The following SYNJ2 variants were observed in gnomAD, a reference collection of about 807,000 sequenced individuals.
The protein encoded by SYNJ2 is polyphosphatidylinositol phosphatase SYNJ2.
Under a neutral mutation model 141.3 loss-of-function variants are expected in SYNJ2, and 116 were observed. That is an observed-to-expected ratio of 0.82 (90% CI 0.71 to 0.96). SYNJ2 has a LOEUF of 0.96. SYNJ2 is among the 40% of genes least tolerant of loss of function. The pLI is 0.00. For missense variants in SYNJ2, 1,873 were observed against 1,934.8 expected (o/e 0.97, Z 0.60); for synonymous variants, 745 against 777.7 (o/e 0.96, Z 0.70).
rs568222551 is a variant in SYNJ2, at chr6:158,088,034, A to ATT, written c.3344-583_3344-582dup. On this transcript the variant is annotated intron_variant, in intron 23 of 26. Coordinates refer to ENST00000355585, the MANE Select transcript of SYNJ2 (RefSeq NM_003898.4). ...TAACAGTTTATTCCCCTGCTTTGGAATTTTTTTTTTTTTTTTTTTTTTTTT... is the reference window on the plus strand; with the variant it reads ...TAACAGTTTATTCCCCTGCTTTGGAATTTTTTTTTTTTTTTTTTTTTTTTTTT... Among the ~76,000 whole-genome samples the ATT allele has an allele frequency of 1.5e-3, 47 of 31,888 alleles. 4 individuals carry two copies. Among genetic ancestry groups the ATT allele is most frequent in the South Asian group, 7.4e-3 (5 of 674 alleles). 20.9% of individuals were successfully genotyped at this position (31,888 alleles called of 152,430 possible).
At chr6:158,019,665 C>T (rs906077936) in intron 2 of SYNJ2, among the ~76,000 whole-genome samples, 2 of 152,228 alleles carry the variant, frequency 1.3e-5, no homozygotes, top group African/African-American at 4.8e-5. Flanking sequence ...GTGGACCATG[C>T]GAGACCAGCC....
rs1296672473 is a variant in SYNJ2 at position 158,066,441 on chromosome 6, CAG to C, written c.1526-2_1526-1del. 6.2e-7 allele frequency: 1 copy of C among 1,614,162 alleles called. No individual in the cohort carries two copies. Among genetic ancestry groups the C allele is most frequent in the South Asian group, 1.1e-5 (1 of 91,090 alleles). On this transcript the variant is annotated splice_acceptor_variant, in intron 11 of 26. Transcript: ENST00000355585. LOFTEE classifies it high-confidence loss of function. ...AAATGTGCCTTTTTATGCCTCCTGA[CAG>C]TGACTCCCAGGATCCTGAAAGCTAT...
intron 1 of SYNJ2, among the ~76,000 whole-genome samples, chr6:157,999,432 T>C (rs1010473963): frequency 1.3e-5 from 2 of 152,182 alleles, no homozygotes; most frequent in Non-Finnish European, 2.9e-5. Flanking sequence ...TCCCATGGGA[T>C]GTTTGGTTGT....
At chr6:158,010,568 C>T (rs553252150) in intron 1 of SYNJ2, among the ~76,000 whole-genome samples, 2 of 152,204 alleles carry the variant, frequency 1.3e-5, no homozygotes, top group Non-Finnish European at 2.9e-5. Context: ...AGGACGGGCC[C>T]ACCAAGTGAA....
intron 2 of SYNJ2, among the ~76,000 whole-genome samples, chr6:158,021,914 T>C (rs1778794777): frequency 1.3e-5 from 2 of 152,096 alleles, no homozygotes; most frequent in Admixed American, 6.5e-5. Flanking sequence ...GTTTCCAAGG[T>C]GTAAATTCAC....
At chr6:158,072,432 G>A (rs979741873) in intron 15 of SYNJ2, among the ~76,000 whole-genome samples, 5 of 152,274 alleles carry the variant, frequency 3.3e-5, no homozygotes, top group Non-Finnish European at 5.9e-5. Context: ...GATGCTACCC[G>A]GGCACAGCTT....
chr6:158,035,040 G>A (rs998783679), intron 4 of SYNJ2, among the ~76,000 whole-genome samples: 1 of 152,156 alleles, frequency 6.6e-6, no homozygotes, highest in African/African-American at 2.4e-5. Flanking sequence ...ATTGGTCTAC[G>A]TATCTGTTTT....
intron 7 of SYNJ2, among the ~76,000 whole-genome samples, 154 bp from the exon 8 acceptor site, chr6:158,061,838 G>T (rs371583576): frequency 1.3e-5 from 2 of 152,170 alleles, no homozygotes; most frequent in Non-Finnish European, 2.9e-5. Flanking sequence ...TCCCTTTTGG[G>T]GTCAACTGCC....
chr6:158,028,618 C>A (rs1272711345), intron 2 of SYNJ2, 138 bp from the exon 3 acceptor site: 3 of 1,145,642 alleles, frequency 2.6e-6, no homozygotes, highest in African/African-American at 3.1e-5. Context: ...TTGAGTTGGG[C>A]AATGCCATGG....
chr6:158,086,361 GC>G (rs1783036499), intron 22 of SYNJ2, among the ~76,000 whole-genome samples: 1 of 152,168 alleles, frequency 6.6e-6, no homozygotes, highest in African/African-American at 2.4e-5. Flanking sequence ...CCAGCCATGG[GC>G]CCACAGGGTT....
chr6:157,988,953 C>T (rs2128314130), intron 1 of SYNJ2, among the ~76,000 whole-genome samples: 1 of 152,242 alleles, frequency 6.6e-6, no homozygotes, highest in East Asian at 1.9e-4. Flanking sequence ...GGTACTGCTT[C>T]TTTTCGAGAT....
chr6:158,011,798 G>A (rs527998019), intron 1 of SYNJ2, among the ~76,000 whole-genome samples: 1 of 152,284 alleles, frequency 6.6e-6, no homozygotes, highest in South Asian at 2.1e-4. Flanking sequence ...ATAGTTGAAT[G>A]AATGCACAAA....
In SYNJ2 at chr6:158,055,503, ATGTG is replaced by A. The variant is rs61172281; in HGVS notation, c.857+505_857+508del. ...TTCTAGAAAACAATTTTGGCATTTT[ATGTG>A]TGTGTGTGTGTGTGTGTGTGTGTGT... On this transcript the variant is annotated intron_variant, in intron 6 of 26. Coordinates refer to ENST00000355585, the MANE Select transcript of SYNJ2 (RefSeq NM_003898.4). 2.9e-3 allele frequency among the ~76,000 whole-genome samples: 424 copies of A among 147,854 alleles called. 1 individual carries two copies. The highest frequency in any genetic ancestry group is 8.1e-3 in the East Asian group (41 of 5,046).
At chr6:158,089,376 C>G (rs1182314102) in intron 24 of SYNJ2, among the ~76,000 whole-genome samples, 2 of 151,980 alleles carry the variant, frequency 1.3e-5, no homozygotes, top group Non-Finnish European at 2.9e-5. Context: ...TGGTTAAGTG[C>G]TTGTGCGGCC....
At chr6:158,073,316 G>C (rs1279801415) in intron 15 of SYNJ2, among the ~76,000 whole-genome samples, 1 of 138,000 alleles carries the variant, frequency 7.2e-6, no homozygotes, top group Non-Finnish European at 1.6e-5. Context: ...TCCTGGCTCA[G>C]CCTCCTGAGT....
At chr6:157,993,815 T>G (rs1183699739) in intron 1 of SYNJ2, among the ~76,000 whole-genome samples, 4,431 of 107,284 alleles carry the variant, frequency 0.041, 205 homozygotes, top group Non-Finnish European at 0.065. Flanking sequence ...TTTTTTTTTT[T>G]TTTTTTTTTT....
chr6:158,066,611 C>T lies in SYNJ2; in HGVS notation c.1693C>T (p.Leu565Phe). ...AGACTGGCTGCTCGACTCGCCCCAG[C>T]TCTCGGGAGCTACCGACTCCCAGGG... is the stretch of plus-strand genomic sequence containing the variant. Reference protein sequence around the residue: ...LTDWLLDSPQLSGATDSQDDS... With the variant: ...LTDWLLDSPQFSGATDSQDDS... Residue 565 changes from leucine (L) to phenylalanine (F), a missense_variant, in exon 12 of 27, where the codon CTC (leucine) becomes TTC (phenylalanine). Leu to Phe is a conservative substitution (Grantham distance 22). Transcript: ENST00000355585. 2 of 1,613,802 alleles carry T rather than the reference C, an allele frequency of 1.2e-6. No homozygotes were observed. The highest frequency in any genetic ancestry group is 1.7e-6 in the Non-Finnish European group (2 of 1,180,006).
At chr6:158,074,378 A>G (rs545838158) in intron 15 of SYNJ2, among the ~76,000 whole-genome samples, 14 of 152,302 alleles carry the variant, frequency 9.2e-5, no homozygotes, top group African/African-American at 3.1e-4. Flanking sequence ...ATTATTTAAA[A>G]TTAAAAAGTA....
intron 25 of SYNJ2, among the ~76,000 whole-genome samples, chr6:158,090,958 G>T (rs1377953565): frequency 6.6e-6 from 1 of 152,138 alleles, no homozygotes; most frequent in East Asian, 1.9e-4. Context: ...TGAGTTAAAA[G>T]GTCGAGAACT....
Sources: allele counts gnomAD v4.1 joint callset (sites outside exome capture counted in the v4.1 genomes callset), GRCh38; gene constraint gnomAD v4.1.1; transcripts MANE v1.5; gene names NCBI Gene and HGNC (gene_info 2026-07-23, HGNC 2026-07-21).